FLI1: variants seen among roughly 807,000 people sequenced by gnomAD.
FLI1 encodes the protein Friend leukemia integration 1 transcription factor.
In FLI1, 13 loss-of-function variants were observed where a neutral mutation model predicts 53.1. The ratio of observed to expected loss-of-function variants is 0.24; its 90% confidence interval spans 0.16 to 0.39. The LOEUF (loss-of-function observed/expected upper bound fraction) is 0.39, where lower values mean the gene tolerates loss of function less well. FLI1 is among the 10% of genes least tolerant of loss of function. The pLI is 1.00. For missense variants in FLI1, 424 were observed against 600.5 expected (o/e 0.71, Z 3.07); for synonymous variants, 244 against 236.7 (o/e 1.03, Z -0.28).
intron 5 of FLI1, 107 bp from the exon 6 acceptor site, chr11:128,805,259 A>G (rs542176192): frequency 3.0e-5 from 19 of 642,242 alleles, no homozygotes; most frequent in Non-Finnish European, 4.9e-5. Flanking sequence ...TTTAAAAGCC[A>G]TTGCTGAATT....
chr11:128,724,881 C>A (rs1378131590), intron 1 of FLI1, among the ~76,000 whole-genome samples: 3 of 152,156 alleles, frequency 2.0e-5, no homozygotes, highest in Non-Finnish European at 4.4e-5. Context: ...ACGATTCTCT[C>A]TCCTCCCACT....
Position 128,807,118 on chromosome 11 carries a change from A to G in FLI1, c.722-62A>G, listed in dbSNP as rs374088255. 1.1e-4 allele frequency: 109 copies of G among 1,011,002 alleles called. No homozygotes were observed. The African/African-American group carries it at 1.5e-3, about 14-fold the overall frequency. The allele number at this position is 1,011,002 out of a possible 1,614,324, so 62.6% of individuals were successfully genotyped here. Reference sequence around the variant, plus strand: ...TGAGTGAGAAAGCACATCTGTCAAGACGTCTTGCTCCCCTCGGGGAGCTGG... The same window carrying G: ...TGAGTGAGAAAGCACATCTGTCAAGGCGTCTTGCTCCCCTCGGGGAGCTGG... On this transcript the variant is annotated intron_variant, in intron 6 of 8. Transcript: ENST00000527786.
intron 5 of FLI1, among the ~76,000 whole-genome samples, chr11:128,793,747 T>A (rs1942347841): frequency 6.6e-6 from 1 of 152,220 alleles, no homozygotes; most frequent in South Asian, 2.1e-4. Flanking sequence ...TCTGCTACAT[T>A]AATGATGGTG....
chr11:128,699,682 G>A (rs572319469), intron 1 of FLI1, among the ~76,000 whole-genome samples: 16 of 152,152 alleles, frequency 1.1e-4, no homozygotes, highest in Non-Finnish European at 2.2e-4. Flanking sequence ...CACTCTTTGT[G>A]TATTACAGTT....
chr11:128,726,883 T>C (rs1010886712), intron 1 of FLI1, among the ~76,000 whole-genome samples: 3 of 152,016 alleles, frequency 2.0e-5, no homozygotes, highest in African/African-American at 4.8e-5. Flanking sequence ...GACAGAACGC[T>C]TCAAGGAGGA....
intron 5 of FLI1, among the ~76,000 whole-genome samples, chr11:128,800,452 A>T (rs1476028756): frequency 6.6e-6 from 1 of 152,048 alleles, no homozygotes; most frequent in Non-Finnish European, 1.5e-5. Context: ...GCCGGCAGGG[A>T]CGTTTGGGCT....
At chr11:128,687,992 C>T (rs1418840184) in intron 1 of FLI1, among the ~76,000 whole-genome samples, 5 of 152,180 alleles carry the variant, frequency 3.3e-5, no homozygotes, top group African/African-American at 9.7e-5. Context: ...AAGGCGCGCA[C>T]GGATTCGCTG....
intron 5 of FLI1, among the ~76,000 whole-genome samples, chr11:128,784,334 G>A (rs1333982081): frequency 1.4e-5 from 2 of 146,986 alleles, no homozygotes; most frequent in African/African-American, 5.0e-5. Flanking sequence ...TGGCCCTTTT[G>A]TGTTTAGGGA....
Position 128,773,212 on chromosome 11 carries a change from C to G in FLI1, c.589+227C>G, listed in dbSNP as rs535954602. On this transcript the variant is annotated intron_variant, in intron 4 of 8. Coordinates refer to ENST00000527786, the MANE Select transcript of FLI1 (RefSeq NM_002017.5). The stretch of plus-strand genomic sequence containing the variant: ...ACGAGAAATGGAGAAAAGTAGAGAG[C>G]TGTGACCTGGAGGGGTCTGGCAGAG... Among the ~76,000 whole-genome samples the G allele has an allele frequency of 4.3e-4, 65 of 152,274 alleles. 1 individual carries two copies. The South Asian group carries it at 0.013, about 30-fold the overall frequency.
rs1222680264 is a variant in FLI1 at position 128,812,826 on chromosome 11, T to TCAA, written c.*1838_*1839insCAA. On this transcript the variant is annotated 3_prime_UTR_variant, in exon 9 of 9. Transcript: ENST00000527786. ...CTTCCTTCAGGTCTCAGACCAGGAC[T>TCAA]TTATGGCTCATGCAGATTTTTAAGG... The TCAA allele has an allele frequency of 4.3e-5, 5 of 117,612 alleles. No individual in the cohort carries two copies. The highest frequency in any genetic ancestry group is 8.9e-5 in the African/African-American group (3 of 33,824). 7.3% of individuals were successfully genotyped at this position (117,612 alleles called of 1,614,324 possible).
intron 1 of FLI1, among the ~76,000 whole-genome samples, chr11:128,716,882 T>C (rs942898940): frequency 6.6e-6 from 1 of 152,194 alleles, no homozygotes; most frequent in African/African-American, 2.4e-5. Flanking sequence ...ACAGACCCTG[T>C]ACTTTTTCCA....
chr11:128,737,503 C>T (rs1939958663), intron 1 of FLI1, among the ~76,000 whole-genome samples: 1 of 152,192 alleles, frequency 6.6e-6, no homozygotes, highest in Non-Finnish European at 1.5e-5. Flanking sequence ...AGCTCTGTCT[C>T]CAAACCATGA....
At chr11:128,747,664 C>A (rs1199668321) in intron 1 of FLI1, among the ~76,000 whole-genome samples, 2 of 152,172 alleles carry the variant, frequency 1.3e-5, no homozygotes, top group African/African-American at 4.8e-5. Context: ...AATGGTCAGG[C>A]CACCCCCTAC....
chr11:128,720,439 G>C (rs1939205331), intron 1 of FLI1, among the ~76,000 whole-genome samples: 1 of 152,160 alleles, frequency 6.6e-6, no homozygotes, highest in South Asian at 2.1e-4. Context: ...GTGAAATGCT[G>C]AAAAGACGAT....
At chr11:128,715,753 GA>G (rs914382813) in intron 1 of FLI1, among the ~76,000 whole-genome samples, 2 of 151,906 alleles carry the variant, frequency 1.3e-5, no homozygotes, top group African/African-American at 4.8e-5. Flanking sequence ...CAAGGCAGAG[GA>G]AAAAAAATGA....
At chr11:128,796,377 A>T (rs544458786) in intron 5 of FLI1, among the ~76,000 whole-genome samples, 69 of 152,304 alleles carry the variant, frequency 4.5e-4, no homozygotes, top group African/African-American at 1.6e-3. Context: ...GGTTAGAGAG[A>T]GGCAGTTTTT....
At chr11:128,790,125 C>A (rs608764) in intron 5 of FLI1, among the ~76,000 whole-genome samples, 35,706 of 151,212 alleles carry the variant, frequency 0.24, 4,989 homozygotes, top group Non-Finnish European at 0.32. Flanking sequence ...GGTCCAAAGG[C>A]AAGATTTATG....
chr11:128,709,541 T>C (rs1938698194), intron 1 of FLI1, among the ~76,000 whole-genome samples: 1 of 152,160 alleles, frequency 6.6e-6, no homozygotes, highest in Non-Finnish European at 1.5e-5. Context: ...CCGGCCATTG[T>C]TCTACTTGTG....
intron 1 of FLI1, among the ~76,000 whole-genome samples, chr11:128,722,165 CCT>C (rs1439067580): frequency 6.6e-6 from 1 of 152,178 alleles, no homozygotes; most frequent in East Asian, 1.9e-4. Context: ...AAAGTTACCC[CCT>C]GACGTGACTT....
Sources: allele counts gnomAD v4.1 joint callset (sites outside exome capture counted in the v4.1 genomes callset), GRCh38; gene constraint gnomAD v4.1.1; transcripts MANE v1.5; gene names NCBI Gene and HGNC (gene_info 2026-07-23, HGNC 2026-07-21).